The following EOGT variants were observed in gnomAD, a reference collection of about 807,000 sequenced individuals.
EOGT encodes EGF domain-specific O-linked N-acetylglucosamine transferase.
In EOGT, 55 loss-of-function variants were observed where a neutral mutation model predicts 70.5. That is an observed-to-expected ratio of 0.78 (90% CI 0.63 to 0.98). The LOEUF is 0.98. Among genes scored for constraint, EOGT ranks in the 50% least tolerant of loss-of-function variants. EOGT has a pLI of 0.00. For synonymous variants in EOGT, 246 were observed against 217.1 expected, an observed-to-expected ratio of 1.13 and a Z score of -1.17; for missense variants, 703 against 641.9, an observed-to-expected ratio of 1.10 and a Z score of -1.03.
intron 16 of EOGT, among the ~76,000 whole-genome samples, chr3:68,979,057 T>A (rs143145707): frequency 3.9e-5 from 6 of 152,164 alleles, no homozygotes; most frequent in Admixed American, 3.3e-4. Flanking sequence ...AATGAAACCA[T>A]AGAACCCAGA....
intron 6 of EOGT, among the ~76,000 whole-genome samples, chr3:69,006,268 A>C (rs1045862027): frequency 1.3e-5 from 2 of 152,238 alleles, no homozygotes; most frequent in African/African-American, 4.8e-5. Flanking sequence ...AACTCTGTTA[A>C]AGACACCCTG....
chr3:69,002,212 G>A (rs1016525757), intron 8 of EOGT, among the ~76,000 whole-genome samples: 1 of 152,152 alleles, frequency 6.6e-6, no homozygotes, highest in African/African-American at 2.4e-5. Flanking sequence ...CCAGGCCCAG[G>A]TTGAGTCTAG....
rs994773495 is a variant in EOGT, at chr3:68,988,998, T to C, written c.851A>G (p.Asp284Gly). The change falls in exon 11 of 18, where the codon GAC (aspartate) becomes GGC (glycine). Residue 284 changes from aspartate (D) to glycine (G), a missense_variant. Physicochemically the swap from Asp to Gly is moderately conservative, Grantham distance 94. Transcript: ENST00000383701. ...MWDTSSYGYG[D>G]LFSDTWNAFT... ...TGCATTCCATGTGTCGGAGAATAGGTCACCATATCCGTAAGAACTCTGAAA... is the reference window on the plus strand; with the variant it reads ...TGCATTCCATGTGTCGGAGAATAGGCCACCATATCCGTAAGAACTCTGAAA... The C allele has an allele frequency of 3.9e-6, 6 of 1,528,872 alleles. No homozygotes were observed. Among genetic ancestry groups the C allele is most frequent in the Admixed American group, 2.0e-5 (1 of 50,086 alleles). 94.7% of individuals were successfully genotyped at this position (1,528,872 alleles called of 1,614,324 possible).
Position 68,979,689 on chromosome 3 carries a change from T to C in EOGT, c.1313A>G (p.Asp438Gly), listed in dbSNP as rs920742937. 5 of 1,613,890 alleles carry C rather than the reference T, an allele frequency of 3.1e-6. No individual in the cohort carries two copies. The highest frequency in any genetic ancestry group is 1.3e-5 in the African/African-American group (1 of 75,044). The change falls in exon 16 of 18, where the codon GAC (aspartate) becomes GGC (glycine). Residue 438 changes from aspartate (D) to glycine (G), a missense_variant. Physicochemically the swap from Asp to Gly is moderately conservative, Grantham distance 94. Transcript: ENST00000383701. Reference protein sequence around the residue: ...AGLTHLLFLPDWAAVFELYNC... With the variant: ...AGLTHLLFLPGWAAVFELYNC... ...TTACAGTTCAAATACAGCAGCCCAG[T>C]CTGGAAGGAAAAGTAAATGGGTCAG...
At position 69,009,754 on chromosome 3, in the gene EOGT, G is replaced by T. The variant is rs1447456756; in HGVS notation, c.93C>A (p.Gly31=). The T allele has an allele frequency of 6.2e-7, 1 of 1,613,996 alleles. No individual in the cohort carries two copies. Among genetic ancestry groups the T allele is most frequent in the South Asian group, 1.1e-5 (1 of 91,080 alleles). Residue 31 remains glycine, a synonymous_variant, in exon 4 of 18, where the codon GGC becomes GGA. Coordinates refer to ENST00000383701, the MANE Select transcript of EOGT (RefSeq NM_001278689.2). ...EAPPNTHSIP[G]EPLYNYASIR... ...TGCTGGCATAGTTATACAGAGGTTC[G>T]CCTGGAATGCTGTGAGTATTAGGAG...
chr3:69,002,501 C>A (rs1423556398), intron 8 of EOGT, among the ~76,000 whole-genome samples: 2 of 152,130 alleles, frequency 1.3e-5, no homozygotes, highest in African/African-American at 2.4e-5. Context: ...AATATAGAAA[C>A]TACCTCTTGT....
intron 14 of EOGT, among the ~76,000 whole-genome samples, chr3:68,986,494 G>A (rs984042858): frequency 1.3e-5 from 2 of 152,036 alleles, no homozygotes; most frequent in East Asian, 1.9e-4. Flanking sequence ...CTTGGATATC[G>A]CCCCACCTCT....
At chr3:69,009,201 C>T (rs1241534270) in intron 4 of EOGT, among the ~76,000 whole-genome samples, 1 of 152,168 alleles carries the variant, frequency 6.6e-6, no homozygotes, top group Non-Finnish European at 1.5e-5. Context: ...TTTCCAACTC[C>T]TCTAAAACAG....
At chr3:69,002,027 T>C (rs1368725340) in intron 8 of EOGT, among the ~76,000 whole-genome samples, 2 of 152,156 alleles carry the variant, frequency 1.3e-5, no homozygotes, top group Non-Finnish European at 2.9e-5. Flanking sequence ...CCATCTCTAC[T>C]AAAAATACAA....
At position 68,988,492 on chromosome 3, in the gene EOGT, G is replaced by C; in HGVS notation, c.996+14C>G. ...TCTGTAAATATGAATGCTAATGGTA[G>C]ACAATGTGCTTACCAGAGGAGTATT... On this transcript the variant is annotated intron_variant, in intron 12 of 17. Transcript: ENST00000383701. 1 of 1,517,564 alleles carries C rather than the reference G, an allele frequency of 6.6e-7. No homozygotes were observed. The highest frequency in any genetic ancestry group is 8.8e-7 in the Non-Finnish European group (1 of 1,130,766). The allele number at this position is 1,517,564 out of a possible 1,614,324, so 94.0% of individuals were successfully genotyped here.
chr3:69,001,762 TC>T, intron 8 of EOGT, 48 bp from the exon 9 acceptor site: 1 of 1,297,836 alleles, frequency 7.7e-7, no homozygotes, highest in South Asian at 1.2e-5. Flanking sequence ...CTCCCAAACT[TC>T]CTATTAGAAC....
At chr3:69,000,635 C>T (rs139918349) in intron 9 of EOGT, among the ~76,000 whole-genome samples, 117 of 152,270 alleles carry the variant, frequency 7.7e-4, no homozygotes, top group Admixed American at 1.2e-3. Flanking sequence ...CTATATTTCA[C>T]TGTAAACCCA....
At chr3:68,988,670 C>T (rs1252918908) in intron 11 of EOGT, 93 bp from the exon 12 acceptor site, 2 of 766,996 alleles carry the variant, frequency 2.6e-6, no homozygotes, top group African/African-American at 3.5e-5. Flanking sequence ...TTTAATTAAT[C>T]TCCATTTTGC....
chr3:69,007,137 C>A (rs1325045759), intron 6 of EOGT, among the ~76,000 whole-genome samples: 2 of 152,072 alleles, frequency 1.3e-5, no homozygotes, highest in Non-Finnish European at 2.9e-5. Context: ...GATTCTAAAC[C>A]TAAAAATATT....
chr3:68,976,425 A>G lies in EOGT; in HGVS notation c.*1193T>C, dbSNP rs2090473846. 1 of 152,256 alleles carries G rather than the reference A, an allele frequency of 6.6e-6. No homozygotes were observed. The highest frequency in any genetic ancestry group is 6.5e-5 in the Admixed American group (1 of 15,284). The allele number at this position is 152,256 out of a possible 1,614,324, so 9.4% of individuals were successfully genotyped here. A position where few individuals can be genotyped will look rare whatever the true frequency, so the allele number is the denominator to read the frequency against. On this transcript the variant is annotated 3_prime_UTR_variant, in exon 18 of 18. Coordinates refer to ENST00000383701, the MANE Select transcript of EOGT (RefSeq NM_001278689.2). ...AAGAAGGAATCAGTGGAAACCAGACAGAAGGTATGCAAGACAGTCCTACAG... is the reference window on the plus strand; with the variant it reads ...AAGAAGGAATCAGTGGAAACCAGACGGAAGGTATGCAAGACAGTCCTACAG...
intron 10 of EOGT, among the ~76,000 whole-genome samples, chr3:68,992,110 GCTCT>G (rs2091010396): frequency 6.6e-6 from 1 of 151,996 alleles, no homozygotes; most frequent in Non-Finnish European, 1.5e-5. Flanking sequence ...TCTGCCCAGG[GCTCT>G]CTAAATCTCG....
intron 13 of EOGT, 77 bp downstream of exon 13, chr3:68,988,218 T>C (rs2090872267): frequency 9.8e-7 from 1 of 1,017,298 alleles, no homozygotes; most frequent in Non-Finnish European, 1.4e-6. Flanking sequence ...ATTATTTCTG[T>C]TTCTGAAAAG....
In EOGT at chr3:68,988,516, T is replaced by C; in HGVS notation, c.986A>G (p.Asn329Ser). The C allele has an allele frequency of 3.3e-6, 5 of 1,533,136 alleles. No homozygotes were observed. Among genetic ancestry groups the C allele is most frequent in the Non-Finnish European group, 4.4e-6 (5 of 1,144,686 alleles). 95.0% of individuals were successfully genotyped at this position (1,533,136 alleles called of 1,614,324 possible). Reference sequence around the variant, plus strand: ...AGACAATGTGCTTACCAGAGGAGTATTATAGAACAGCCCATACCTCATGCG... The same window carrying C: ...AGACAATGTGCTTACCAGAGGAGTACTATAGAACAGCCCATACCTCATGCG... ...LPRMRYGLFY[N>S]TPLISGCQNT... The change falls in exon 12 of 18, where the codon AAT (asparagine) becomes AGT (serine). Residue 329 changes from asparagine (N) to serine (S), a missense_variant. Coordinates refer to ENST00000383701, the MANE Select transcript of EOGT (RefSeq NM_001278689.2).
At chr3:69,001,097 T>C (rs1438261696) in intron 9 of EOGT, among the ~76,000 whole-genome samples, 2 of 151,880 alleles carry the variant, frequency 1.3e-5, no homozygotes, top group Non-Finnish European at 2.9e-5. Context: ...GCTGGGACTA[T>C]AGGTGCCTGC....
Sources: allele counts gnomAD v4.1 joint callset (sites outside exome capture counted in the v4.1 genomes callset), GRCh38; gene constraint gnomAD v4.1.1; transcripts MANE v1.5; gene names NCBI Gene and HGNC (gene_info 2026-07-23, HGNC 2026-07-21).